ASIC2: variants seen among roughly 807,000 people sequenced by gnomAD.
The protein encoded by ASIC2 is acid-sensing ion channel 2.
Under a neutral mutation model 57.3 loss-of-function variants are expected in ASIC2, and 25 were observed. The ratio of observed to expected loss-of-function variants is 0.44; its 90% CI spans 0.32 to 0.61. ASIC2 has a LOEUF of 0.61. Among genes scored for constraint, ASIC2 ranks in the 20% least tolerant of loss-of-function variants. The pLI, the probability that ASIC2 is intolerant of heterozygous loss-of-function variation, is 0.06. For missense variants in ASIC2, 641 were observed against 738.1 expected, an observed-to-expected ratio of 0.87 and a Z score of 1.52; for synonymous variants, 319 against 307.5, an observed-to-expected ratio of 1.04 and a Z score of -0.39.
In ASIC2 at chr17:33,060,560, G is replaced by A. The variant is rs868130112; in HGVS notation, c.987+28303C>T. On this transcript the variant is annotated intron_variant, in intron 3 of 9. Coordinates refer to ENST00000225823, the MANE Select transcript of ASIC2 (RefSeq NM_183377.2). ...CAAGTACCATGCTGTTTTGGTTACTGTAGCCTTGTAGTATAGTTTGCAGTT... is the reference window on the plus strand; with the variant it reads ...CAAGTACCATGCTGTTTTGGTTACTATAGCCTTGTAGTATAGTTTGCAGTT... Among the ~76,000 whole-genome samples the A allele has an allele frequency of 3.9e-5, 6 of 152,292 alleles. No individual in the cohort carries two copies. In the South Asian group the frequency reaches 1.2e-3, roughly 32 times the overall value.
chr17:33,887,843 A>T (rs1479680836), intron 1 of ASIC2, among the ~76,000 whole-genome samples: 1 of 152,198 alleles, frequency 6.6e-6, no homozygotes, highest in East Asian at 1.9e-4. Context: ...TAGAGCAAAT[A>T]TATACACAGA....
At chr17:34,140,908 G>A (rs1912255448) in intron 1 of ASIC2, among the ~76,000 whole-genome samples, 1 of 152,202 alleles carries the variant, frequency 6.6e-6, no homozygotes, top group Non-Finnish European at 1.5e-5. Flanking sequence ...ACCAGAGGGT[G>A]AGACAGTAAT....
chr17:33,847,644 A>G (rs1913648051), intron 1 of ASIC2, among the ~76,000 whole-genome samples: 1 of 152,236 alleles, frequency 6.6e-6, no homozygotes, highest in Non-Finnish European at 1.5e-5. Context: ...CTAATTCATC[A>G]GCCAACATTC....
chr17:34,100,423 G>A (rs1431478759), intron 1 of ASIC2, among the ~76,000 whole-genome samples: 1 of 152,096 alleles, frequency 6.6e-6, no homozygotes, highest in Non-Finnish European at 1.5e-5. Flanking sequence ...CTCCAAAGCA[G>A]TTGCTATTAA....
chr17:33,616,975 G>A (rs920587707), intron 1 of ASIC2, among the ~76,000 whole-genome samples: 4 of 152,084 alleles, frequency 2.6e-5, no homozygotes, highest in Admixed American at 6.6e-5. Flanking sequence ...CTCTTTCCTC[G>A]GCCCTTTCAA....
chr17:33,575,026 G>C (rs948124715), intron 1 of ASIC2, among the ~76,000 whole-genome samples: 3 of 152,112 alleles, frequency 2.0e-5, no homozygotes, highest in Non-Finnish European at 4.4e-5. Flanking sequence ...ACCAGGAGTG[G>C]GGAGGTCTGA....
chr17:33,083,757 A>T (rs2092123309), intron 3 of ASIC2, among the ~76,000 whole-genome samples: 1 of 152,146 alleles, frequency 6.6e-6, no homozygotes, highest in African/African-American at 2.4e-5. Flanking sequence ...CCACAGGCAG[A>T]TGAGGAGGTT....
At chr17:33,474,135 G>T (rs1409114524) in intron 1 of ASIC2, among the ~76,000 whole-genome samples, 1 of 152,168 alleles carries the variant, frequency 6.6e-6, no homozygotes, top group African/African-American at 2.4e-5. Context: ...GGGAGGCTGA[G>T]GCAAGCGAAT....
intron 1 of ASIC2, among the ~76,000 whole-genome samples, chr17:33,306,407 C>T (rs942349879): frequency 1.3e-5 from 2 of 152,146 alleles, no homozygotes; most frequent in Non-Finnish European, 2.9e-5. Context: ...TGTTAAATGT[C>T]TGCCCTGCTT....
intron 1 of ASIC2, among the ~76,000 whole-genome samples, chr17:33,367,546 T>TC (rs1908860685): frequency 6.6e-6 from 1 of 152,222 alleles, no homozygotes; most frequent in African/African-American, 2.4e-5. Context: ...AGAGTCTGCC[T>TC]CCCCATGGGG....
intron 1 of ASIC2, among the ~76,000 whole-genome samples, chr17:33,845,497 T>A (rs2141911500): frequency 6.6e-6 from 1 of 152,288 alleles, no homozygotes; most frequent in Middle Eastern, 3.4e-3. Flanking sequence ...AGAACATACA[T>A]TTAGGAGGAA....
intron 1 of ASIC2, among the ~76,000 whole-genome samples, chr17:33,239,411 G>C (rs977547576): frequency 2.0e-5 from 3 of 152,114 alleles, no homozygotes; most frequent in African/African-American, 7.2e-5. Context: ...ACATAACACT[G>C]ATTCCATCTG....
At chr17:33,372,222 C>A (rs1409952316) in intron 1 of ASIC2, among the ~76,000 whole-genome samples, 5 of 151,836 alleles carry the variant, frequency 3.3e-5, no homozygotes, top group African/African-American at 1.2e-4. Flanking sequence ...TGGGAAGTGG[C>A]AATCAGAAGG....
intron 1 of ASIC2, among the ~76,000 whole-genome samples, chr17:33,570,647 A>T (rs974368328): frequency 2.6e-5 from 4 of 152,144 alleles, no homozygotes; most frequent in African/African-American, 9.7e-5. Flanking sequence ...ACCATTTCAA[A>T]ACCTACTGTT....
intron 1 of ASIC2, among the ~76,000 whole-genome samples, chr17:34,063,442 C>T (rs1311587166): frequency 6.6e-6 from 1 of 152,108 alleles, no homozygotes; most frequent in Non-Finnish European, 1.5e-5. Flanking sequence ...GAAAGCATTC[C>T]CTCTGAGAAC....
At chr17:33,649,243 C>G (rs1306687402) in intron 1 of ASIC2, among the ~76,000 whole-genome samples, 3 of 152,210 alleles carry the variant, frequency 2.0e-5, no homozygotes, top group Non-Finnish European at 4.4e-5. Context: ...CAAAAATCAA[C>G]TGTATTTCTA....
chr17:33,513,488 C>A (rs1347932850), intron 1 of ASIC2, among the ~76,000 whole-genome samples: 1 of 152,200 alleles, frequency 6.6e-6, no homozygotes, highest in Non-Finnish European at 1.5e-5. Context: ...GAAAGTATCT[C>A]TTAATTTCAA....
At chr17:33,455,888 C>T (rs994742600) in intron 1 of ASIC2, among the ~76,000 whole-genome samples, 4 of 152,158 alleles carry the variant, frequency 2.6e-5, no homozygotes, top group South Asian at 4.1e-4. Flanking sequence ...TCCTTATCAC[C>T]GACTGACAGA....
intron 1 of ASIC2, among the ~76,000 whole-genome samples, chr17:33,589,606 G>A (rs1318414299): frequency 6.6e-6 from 1 of 152,024 alleles, no homozygotes; most frequent in Non-Finnish European, 1.5e-5. Flanking sequence ...TCACATAAAT[G>A]GAATCACACA....
Sources: allele counts gnomAD v4.1 joint callset (sites outside exome capture counted in the v4.1 genomes callset), GRCh38; gene constraint gnomAD v4.1.1; transcripts MANE v1.5; gene names NCBI Gene and HGNC (gene_info 2026-07-23, HGNC 2026-07-21).